NTM: variants seen among roughly 807,000 people sequenced by gnomAD.
The protein encoded by NTM is IgLON family member 2.
In NTM, 13 loss-of-function variants were observed where a neutral mutation model predicts 42.1. That is an observed-to-expected ratio of 0.31 (90% CI 0.20 to 0.49). The LOEUF is 0.49. Ranked by LOEUF, NTM falls within the 20% of genes least tolerant of loss-of-function variation. The pLI is 0.99. For missense variants in NTM, 373 were observed against 452.8 expected, an observed-to-expected ratio of 0.82 and a Z score of 1.60; for synonymous variants, 187 against 179.2, an observed-to-expected ratio of 1.04 and a Z score of -0.35.
chr11:131,880,302 T>A (rs1258048878), intron 1 of NTM, among the ~76,000 whole-genome samples: 1 of 152,208 alleles, frequency 6.6e-6, no homozygotes, highest in Non-Finnish European at 1.5e-5. Context: ...CTCCTAGTCA[T>A]GCTCAGTTCC....
chr11:131,517,251 C>T (rs1474813962), intron 1 of NTM, among the ~76,000 whole-genome samples: 4 of 152,144 alleles, frequency 2.6e-5, no homozygotes, highest in African/African-American at 4.8e-5. Flanking sequence ...GCAAAAGATT[C>T]TGAATAATGT....
chr11:131,543,003 C>T (rs568668104), intron 1 of NTM, among the ~76,000 whole-genome samples: 1 of 152,192 alleles, frequency 6.6e-6, no homozygotes, highest in African/African-American at 2.4e-5. Context: ...GTGCCCCTTC[C>T]TCTGGACGCC....
At chr11:131,979,014 C>T (rs141422286) in intron 2 of NTM, among the ~76,000 whole-genome samples, 179 of 152,126 alleles carry the variant, frequency 1.2e-3, no homozygotes, top group African/African-American at 4.1e-3. Flanking sequence ...ACAGAGCCTC[C>T]GAGAGCATGT....
At chr11:131,944,106 A>G (rs1003113292) in intron 2 of NTM, among the ~76,000 whole-genome samples, 9 of 152,164 alleles carry the variant, frequency 5.9e-5, no homozygotes, top group Admixed American at 1.3e-4. Flanking sequence ...TAATTTGAAG[A>G]CAACCTATGT....
chr11:131,876,529 T>A (rs1226631279), intron 1 of NTM, among the ~76,000 whole-genome samples: 2 of 152,228 alleles, frequency 1.3e-5, no homozygotes, highest in South Asian at 4.1e-4. Flanking sequence ...AAAATATAAT[T>A]AGACAAATCT....
intron 1 of NTM, among the ~76,000 whole-genome samples, chr11:131,820,365 T>G (rs1435055719): frequency 2.0e-5 from 3 of 152,212 alleles, no homozygotes; most frequent in African/African-American, 7.2e-5. Flanking sequence ...ATGTCTTAAC[T>G]CCCTGTGGAT....
intron 1 of NTM, among the ~76,000 whole-genome samples, chr11:131,575,827 C>A (rs1474941888): frequency 6.6e-6 from 1 of 152,212 alleles, no homozygotes; most frequent in Non-Finnish European, 1.5e-5. Context: ...CATACTCTCC[C>A]TGGCTCCTGG....
At chr11:131,407,178 T>C (rs1042202085) in intron 1 of NTM, among the ~76,000 whole-genome samples, 1 of 152,170 alleles carries the variant, frequency 6.6e-6, no homozygotes, top group Non-Finnish European at 1.5e-5. Flanking sequence ...GAGAATATAG[T>C]TACAAGACTG....
At chr11:131,967,373 A>C (rs1174299670) in intron 2 of NTM, among the ~76,000 whole-genome samples, 1 of 152,152 alleles carries the variant, frequency 6.6e-6, no homozygotes, top group Non-Finnish European at 1.5e-5. Flanking sequence ...ATACTTTTGG[A>C]GGATAGGCAT....
intron 1 of NTM, chr11:131,774,077 T>A (rs34851757): frequency 0.11 from 112,612 of 984,334 alleles, 6,927 homozygotes; most frequent in South Asian, 0.13. Flanking sequence ...CCAATGTTGT[T>A]CCAAAATTGC....
At chr11:132,325,712 G>A (rs538055779) in intron 7 of NTM, among the ~76,000 whole-genome samples, 31 of 152,234 alleles carry the variant, frequency 2.0e-4, no homozygotes, top group African/African-American at 3.1e-4. Flanking sequence ...AAAGACACAC[G>A]CACACATATG....
chr11:131,718,328 C>A (rs1399916966), intron 1 of NTM, among the ~76,000 whole-genome samples: 1 of 152,164 alleles, frequency 6.6e-6, no homozygotes, highest in Non-Finnish European at 1.5e-5. Context: ...ACCAGTGAAG[C>A]CAGCTGAGCT....
chr11:131,806,698 G>A (rs1447428656), intron 1 of NTM, among the ~76,000 whole-genome samples: 1 of 152,098 alleles, frequency 6.6e-6, no homozygotes, highest in Non-Finnish European at 1.5e-5. Context: ...CAGGTCTAAT[G>A]CTCTTCACAC....
chr11:132,126,358 A>T (rs1417831806), intron 2 of NTM, among the ~76,000 whole-genome samples: 1 of 152,142 alleles, frequency 6.6e-6, no homozygotes, highest in Non-Finnish European at 1.5e-5. Flanking sequence ...GTTATTTATT[A>T]TGGGAGAGGA....
intron 4 of NTM, among the ~76,000 whole-genome samples, chr11:132,234,604 T>C (rs2088386028): frequency 6.6e-6 from 1 of 152,168 alleles, no homozygotes; most frequent in African/African-American, 2.4e-5. Flanking sequence ...TCAGGACCTC[T>C]CAGAATCCCG....
At chr11:131,993,944 A>G (rs1302142327) in intron 2 of NTM, among the ~76,000 whole-genome samples, 1 of 150,788 alleles carries the variant, frequency 6.6e-6, no homozygotes, top group Non-Finnish European at 1.5e-5. Context: ...CAGAGGTTGC[A>G]GTGAGCTGAG....
At chr11:132,217,356 T>TGTGTGTGTGTG (rs1491403568) in intron 4 of NTM, among the ~76,000 whole-genome samples, 24 of 135,324 alleles carry the variant, frequency 1.8e-4, no homozygotes, top group Middle Eastern at 3.7e-3. Context: ...CTCTCTCTCT[T>TGTGTGTGTGTG]TCTGTGTGTG....
chr11:131,947,229 G>A (rs531230486), intron 2 of NTM, among the ~76,000 whole-genome samples: 72 of 152,252 alleles, frequency 4.7e-4, no homozygotes, highest in Non-Finnish European at 4.4e-4. Context: ...TTGCATGATG[G>A]TGGTCTTGAC....
chr11:131,462,862 G>A (rs928278357), intron 1 of NTM, among the ~76,000 whole-genome samples: 1 of 152,106 alleles, frequency 6.6e-6, no homozygotes, highest in African/African-American at 2.4e-5. Flanking sequence ...GGCCCACCTA[G>A]GGTGGTCCAC....
Sources: gnomAD v4.1 joint callset for allele counts (sites outside exome capture counted in the v4.1 genomes callset) on GRCh38, gnomAD v4.1.1 for gene constraint, MANE v1.5 for transcripts, NCBI Gene and HGNC (gene_info 2026-07-23, HGNC 2026-07-21) for gene names.